The following MAGI2 variants were observed in gnomAD, a reference collection of about 807,000 sequenced individuals.
MAGI2 encodes membrane associated guanylate kinase, WW and PDZ domain containing 2, also known as membrane-associated guanylate kinase, WW and PDZ domain-containing protein 2.
In MAGI2, 35 loss-of-function variants were observed where a neutral mutation model predicts 133.3. The observed-to-expected ratio is 0.26, with a 90% CI of 0.20 to 0.35. The LOEUF is 0.35. MAGI2 is among the 10% of genes least tolerant of loss of function. The pLI is 1.00. For synonymous variants in MAGI2, 729 were observed against 710.6 expected (o/e 1.03, Z -0.41); for missense variants, 1,636 against 1,863.4 (o/e 0.88, Z 2.25).
At chr7:78,545,519 A>C (rs1184208874) in intron 3 of MAGI2, among the ~76,000 whole-genome samples, 1 of 152,028 alleles carries the variant, frequency 6.6e-6, no homozygotes, top group Non-Finnish European at 1.5e-5. Context: ...GCCCCAAATA[A>C]ACTGATGCTT....
At chr7:78,596,409 C>A (rs931128212) in intron 3 of MAGI2, among the ~76,000 whole-genome samples, 1 of 152,086 alleles carries the variant, frequency 6.6e-6, no homozygotes, top group South Asian at 2.1e-4. Context: ...GTCCTCTGGC[C>A]CCAAGAGCTT....
At chr7:79,017,708 C>A (rs753943271) in intron 1 of MAGI2, among the ~76,000 whole-genome samples, 1 of 152,142 alleles carries the variant, frequency 6.6e-6, no homozygotes, top group Non-Finnish European at 1.5e-5. Context: ...AGTATAGGAA[C>A]TGATAGACAA....
chr7:78,184,948 T>G (rs1389572061), intron 13 of MAGI2, among the ~76,000 whole-genome samples: 2 of 152,212 alleles, frequency 1.3e-5, no homozygotes, highest in Non-Finnish European at 2.9e-5. Flanking sequence ...GTTAGCAACA[T>G]TTCTAATCCG....
chr7:78,859,958 A>G (rs1584185764), intron 2 of MAGI2, among the ~76,000 whole-genome samples: 1 of 151,838 alleles, frequency 6.6e-6, no homozygotes, highest in African/African-American at 2.4e-5. Context: ...TTTTTTCTCT[A>G]AACTTCTCTT....
intron 2 of MAGI2, among the ~76,000 whole-genome samples, chr7:78,917,688 G>T (rs1399471687): frequency 6.6e-6 from 1 of 152,054 alleles, no homozygotes; most frequent in African/African-American, 2.4e-5. Context: ...TCAGTACAAA[G>T]GCCAATTGCA....
chr7:78,499,173 T>C (rs1794400086), intron 5 of MAGI2, among the ~76,000 whole-genome samples: 1 of 152,170 alleles, frequency 6.6e-6, no homozygotes, highest in Non-Finnish European at 1.5e-5. Context: ...CATACTTCTC[T>C]AGTAGGGTCA....
At position 78,404,040 on chromosome 7, in the gene MAGI2, A is replaced by G. The variant is rs1797147158; in HGVS notation, c.1046-34827T>C. Among the ~76,000 whole-genome samples the G allele has an allele frequency of 2.0e-5, 3 of 152,196 alleles. No individual in the cohort carries two copies. In the South Asian group the frequency reaches 6.2e-4, roughly 31 times the overall value. On this transcript the variant is annotated intron_variant, in intron 6 of 21. Transcript: ENST00000354212. ...CCAATAACAGACAAACAGAGAGCCA[A>G]ATCATTAGTGAATTCCCATTCACAA...
chr7:78,046,683 T>C (rs994423199), intron 21 of MAGI2, among the ~76,000 whole-genome samples: 3 of 152,070 alleles, frequency 2.0e-5, no homozygotes, highest in Non-Finnish European at 2.9e-5. Flanking sequence ...ACCAAGCAAC[T>C]CATGATAGCT....
intron 10 of MAGI2, 36 bp downstream of exon 10, chr7:78,255,907 C>T: frequency 1.3e-6 from 2 of 1,596,014 alleles, no homozygotes; most frequent in Non-Finnish European, 1.7e-6. Context: ...ACTATTTTAC[C>T]CACATATTTT....
At chr7:78,561,590 G>A (rs1000869541) in intron 3 of MAGI2, among the ~76,000 whole-genome samples, 1 of 152,160 alleles carries the variant, frequency 6.6e-6, no homozygotes, top group Non-Finnish European at 1.5e-5. Flanking sequence ...AGACCAAGGT[G>A]GAAGACTAAT....
chr7:78,907,011 A>T (rs1279263598), intron 2 of MAGI2, among the ~76,000 whole-genome samples: 1 of 152,210 alleles, frequency 6.6e-6, no homozygotes, highest in Non-Finnish European at 1.5e-5. Flanking sequence ...CAAAAACTAG[A>T]CAATGGGTGT....
chr7:78,453,509 A>G lies in MAGI2; in HGVS notation c.1045+36252T>C, dbSNP rs116387731. On this transcript the variant is annotated intron_variant, in intron 6 of 21. Coordinates refer to ENST00000354212, the MANE Select transcript of MAGI2 (RefSeq NM_012301.4). ...CTTCCTCCTAGTCTTTTCAGATGAT[A>G]TCTTAGGCCTCTTCTCTTTTGCTCT... Among the ~76,000 whole-genome samples, 660 of 152,282 alleles carry G rather than the reference A, an allele frequency of 4.3e-3. 6 individuals are homozygous for G. Among genetic ancestry groups the G allele is most frequent in the African/African-American group, 0.015 (635 of 41,546 alleles).
chr7:79,165,975 C>A (rs1176288941), intron 1 of MAGI2, among the ~76,000 whole-genome samples: 1 of 151,958 alleles, frequency 6.6e-6, no homozygotes, highest in African/African-American at 2.4e-5. Context: ...TATGTTTTTG[C>A]TTGATTATTA....
chr7:78,648,234 T>A (rs1811109980), intron 2 of MAGI2, among the ~76,000 whole-genome samples: 1 of 152,118 alleles, frequency 6.6e-6, no homozygotes, highest in Non-Finnish European at 1.5e-5. Flanking sequence ...GTCAAAAAAA[T>A]TCTGTCATGG....
chr7:78,710,756 TAG>T (rs1042455903), intron 2 of MAGI2, among the ~76,000 whole-genome samples: 4 of 152,142 alleles, frequency 2.6e-5, no homozygotes, highest in African/African-American at 7.2e-5. Context: ...ACAAAAACTC[TAG>T]AGTCATATGG....
intron 1 of MAGI2, among the ~76,000 whole-genome samples, chr7:79,127,712 T>A (rs1426348115): frequency 6.6e-6 from 1 of 152,208 alleles, no homozygotes; most frequent in Non-Finnish European, 1.5e-5. Flanking sequence ...CTTTGTCAGA[T>A]GAGTAGGTTG....
chr7:78,480,843 C>T (rs990940378), intron 6 of MAGI2, among the ~76,000 whole-genome samples: 9 of 151,764 alleles, frequency 5.9e-5, no homozygotes, highest in African/African-American at 2.2e-4. Flanking sequence ...AAATGGAATA[C>T]TTAGGTATAC....
chr7:78,588,523 G>C (rs998650841), intron 3 of MAGI2, among the ~76,000 whole-genome samples: 4 of 152,170 alleles, frequency 2.6e-5, no homozygotes, highest in African/African-American at 9.7e-5. Context: ...AGTGAAGGCT[G>C]CCAAGTCAGT....
chr7:79,186,717 ATT>A (rs1827180459), intron 1 of MAGI2, among the ~76,000 whole-genome samples: 1 of 144,930 alleles, frequency 6.9e-6, no homozygotes, highest in Non-Finnish European at 1.5e-5. Context: ...ATATATATAT[ATT>A]TATACAAAAG....
Sources: allele counts gnomAD v4.1 joint callset (sites outside exome capture counted in the v4.1 genomes callset), GRCh38; gene constraint gnomAD v4.1.1; transcripts MANE v1.5; gene names NCBI Gene and HGNC (gene_info 2026-07-23, HGNC 2026-07-21).